Variants in GKN2 observed in about 807,000 individuals in gnomAD.
The protein encoded by GKN2 is gastrokine-2.
A neutral mutation model predicts 22.7 loss-of-function variants in GKN2; 17 were observed. That is an observed-to-expected ratio of 0.75 (90% CI 0.51 to 1.13). GKN2 has a LOEUF of 1.13. Among genes scored for constraint, GKN2 ranks in the 50% most tolerant of loss-of-function variants. GKN2 has a pLI of 0.00. For synonymous variants in GKN2, 82 were observed against 79.6 expected (o/e 1.03, Z -0.16); for missense variants, 248 against 221.4 (o/e 1.12, Z -0.76).
At chr2:68,950,906 C>T (rs544773425) in intron 1 of GKN2, 151 bp from the exon 2 acceptor site, 8 of 719,270 alleles carry the variant, frequency 1.1e-5, no homozygotes, top group Middle Eastern at 4.8e-4. Flanking sequence ...TCCCTTTCCA[C>T]GCACACATTG....
Position 68,950,167 on chromosome 2 carries a change from C to T in GKN2, c.163G>A (p.Ala55Thr), listed in dbSNP as rs1488298011. The change falls in exon 3 of 6, where the codon GCA becomes ACA. Residue 55 changes from alanine to threonine, a missense_variant. Physicochemically the swap from Ala to Thr is moderately conservative, Grantham distance 58. Transcript: ENST00000328895. Reference protein sequence around the residue: ...EKNTAIINIHAGSCSSTTIFD... With the variant: ...EKNTAIINIHTGSCSSTTIFD... ...ATTGTGGTAGAAGAGCATGATCCTGCATGGATGTTAATGATGGCGGTATTT... is the reference window on the plus strand; with the variant it reads ...ATTGTGGTAGAAGAGCATGATCCTGTATGGATGTTAATGATGGCGGTATTT... The T allele has an allele frequency of 1.9e-6, 3 of 1,613,782 alleles. No individual in the cohort carries two copies. Among genetic ancestry groups the T allele is most frequent in the South Asian group, 1.1e-5 (1 of 91,058 alleles).
intron 1 of GKN2, among the ~76,000 whole-genome samples, chr2:68,952,257 G>A (rs942044168): frequency 2.0e-5 from 3 of 152,156 alleles, no homozygotes; most frequent in Admixed American, 6.5e-5. Context: ...CCATGATTGC[G>A]CCTGCAAGTG....
At chr2:68,951,953 C>T (rs559002000) in intron 1 of GKN2, among the ~76,000 whole-genome samples, 1 of 152,344 alleles carries the variant, frequency 6.6e-6, no homozygotes, top group South Asian at 2.1e-4. Context: ...AAAATCAAGA[C>T]AGCCCTGAGA....
At chr2:68,945,965 A>C in intron 5 of GKN2, 1 of 345,912 alleles carries the variant, frequency 2.9e-6, no homozygotes. Flanking sequence ...ATGCTATTCT[A>C]AGGGCCCAGA....
intron 5 of GKN2, 176 bp from the exon 6 acceptor site, chr2:68,945,626 C>T (rs761703258): frequency 2.0e-6 from 1 of 491,504 alleles, no homozygotes; most frequent in Non-Finnish European, 3.7e-6. Context: ...CCTTTATTTA[C>T]TTTATGAATG....
intron 1 of GKN2, among the ~76,000 whole-genome samples, chr2:68,951,143 T>A (rs1442074217): frequency 6.6e-6 from 1 of 152,108 alleles, no homozygotes; most frequent in Non-Finnish European, 1.5e-5. Context: ...AATTGTGTCC[T>A]CTAAAAAAAT....
intron 5 of GKN2, 46 bp from the exon 6 acceptor site, chr2:68,945,496 TTA>T (rs1169874868): frequency 1.1e-5 from 15 of 1,315,824 alleles, no homozygotes; most frequent in Non-Finnish European, 1.6e-5. Context: ...AAAAAATATA[TTA>T]TTGGAATTAT....
At chr2:68,950,650 C>A in intron 2 of GKN2, 52 bp downstream of exon 2, 1 of 1,538,854 alleles carries the variant, frequency 6.5e-7, no homozygotes. Flanking sequence ...TGTACCTTCC[C>A]TTTCCTCTCC....
At chr2:68,952,303 C>T (rs1669867653) in intron 1 of GKN2, among the ~76,000 whole-genome samples, 1 of 152,178 alleles carries the variant, frequency 6.6e-6, no homozygotes, top group Admixed American at 6.5e-5. Flanking sequence ...CTAAATCCCA[C>T]ATTTACGGGC....
chr2:68,950,189 AT>A lies in GKN2; in HGVS notation c.140del (p.Asn47IlefsTer38). On this transcript the variant is annotated frameshift_variant, in exon 3 of 6. Coordinates refer to ENST00000328895, the MANE Select transcript of GKN2 (RefSeq NM_182536.3). LOFTEE classifies it high-confidence loss of function. ...CTGCATGGATGTTAATGATGGCGGT[AT>A]TTTTTTCATTATCAATTGTCACTGT... ...QETVTIDNEK[N>X]TAIINIHAGS... 1.2e-6 allele frequency: 2 copies of A among 1,613,950 alleles called. No homozygotes were observed. The highest frequency in any genetic ancestry group is 2.2e-5 in the East Asian group (1 of 44,866).
At chr2:68,949,713 C>G (rs1669826669) in intron 3 of GKN2, among the ~76,000 whole-genome samples, 1 of 152,188 alleles carries the variant, frequency 6.6e-6, no homozygotes, top group South Asian at 2.1e-4. Context: ...AGCCACTGTG[C>G]CTGACCAATT....
chr2:68,946,611 C>A, intron 4 of GKN2, 151 bp from the exon 5 acceptor site: 1 of 619,052 alleles, frequency 1.6e-6, no homozygotes, highest in Admixed American at 3.5e-5. Context: ...AACACTCTAT[C>A]TGTGAAGTAG....
Position 68,950,237 on chromosome 2 carries a change from G to T in GKN2, c.93C>A (p.Asn31Lys). The T allele has an allele frequency of 1.2e-6, 2 of 1,613,298 alleles. No individual in the cohort carries two copies. The highest frequency in any genetic ancestry group is 1.7e-6 in the Non-Finnish European group (2 of 1,179,624). Residue 31 changes from asparagine (N) to lysine (K), a missense_variant, in exon 3 of 6, where the codon AAC becomes AAA. By Grantham distance (94) the Asn-to-Lys change is moderately conservative (BLOSUM62 0). Transcript: ENST00000328895. ...YEVFNIISPS[N>K]NGGNVQETVT... ...CTGTCTCCTGAACATTGCCACCATT[G>T]TTGCTTGGGCTGATGATGTTAAAAA...
intron 3 of GKN2, among the ~76,000 whole-genome samples, chr2:68,948,800 G>A (rs951933844): frequency 3.9e-5 from 6 of 152,146 alleles, no homozygotes; most frequent in African/African-American, 1.2e-4. Flanking sequence ...CTCACAAATT[G>A]TCAGTTCCTA....
In GKN2 at chr2:68,946,477, G is replaced by A; in HGVS notation, c.316-17C>T. On this transcript the variant is annotated splice_polypyrimidine_tract_variant and intron_variant, in intron 4 of 5. Transcript: ENST00000328895. ...GTCCAGAGCCTAGATCGGTATAACA[G>A]AAAAGAACAACATAAAATAAATTGA... 2 of 1,558,120 alleles carry A rather than the reference G, an allele frequency of 1.3e-6. No individual in the cohort carries two copies. The highest frequency in any genetic ancestry group is 2.3e-5 in the East Asian group (1 of 43,756).
chr2:68,946,810 G>T (rs1001204874), intron 4 of GKN2, among the ~76,000 whole-genome samples: 2 of 152,072 alleles, frequency 1.3e-5, no homozygotes, highest in Admixed American at 6.5e-5. Flanking sequence ...TTGGGTCATT[G>T]AATATTAGAA....
chr2:68,950,363 G>T, intron 2 of GKN2, 100 bp from the exon 3 acceptor site: 1 of 1,195,602 alleles, frequency 8.4e-7, no homozygotes, highest in Non-Finnish European at 1.2e-6. Context: ...ATGAACAAGG[G>T]ATTAAAAACT....
chr2:68,945,408 C>T lies in GKN2; in HGVS notation c.515G>A (p.Gly172Asp). The part of the protein sequence containing the change: ...AGGCAKAGLL[G>D]ILGISICADI... Reference sequence around the variant, plus strand: ...TGCACAGATTGAAATTCCCAAGATGCCCAGGAGCCCAGCCTTTGCACAGCC... The same window carrying T: ...TGCACAGATTGAAATTCCCAAGATGTCCAGGAGCCCAGCCTTTGCACAGCC... The change falls in exon 6 of 6, where the codon GGC (glycine) becomes GAC (aspartate). Residue 172 changes from glycine (G) to aspartate (D), a missense_variant. Gly to Asp is a moderately conservative substitution (Grantham distance 94, BLOSUM62 -1). Transcript: ENST00000328895. 6.2e-7 allele frequency: 1 copy of T among 1,611,404 alleles called. No homozygotes were observed. The highest frequency in any genetic ancestry group is 8.5e-7 in the Non-Finnish European group (1 of 1,178,256).
At chr2:68,948,510 C>T (rs1465243304) in intron 3 of GKN2, among the ~76,000 whole-genome samples, 1 of 152,284 alleles carries the variant, frequency 6.6e-6, no homozygotes, top group East Asian at 1.9e-4. Context: ...CATGCACGCT[C>T]ACACACGTCT....
Sources: allele counts gnomAD v4.1 joint callset (sites outside exome capture counted in the v4.1 genomes callset), GRCh38; gene constraint gnomAD v4.1.1; transcripts MANE v1.5; gene names NCBI Gene and HGNC (gene_info 2026-07-23, HGNC 2026-07-21).